ABCC11: variants seen among roughly 807,000 people sequenced by gnomAD.
ABCC11 encodes ATP binding cassette subfamily C member 11.
ABCC11 carries 135 observed loss-of-function variants against 149.3 expected under a neutral mutation model. The ratio of observed to expected loss-of-function variants is 0.90; its 90% CI spans 0.79 to 1.04. The LOEUF (loss-of-function observed/expected upper bound fraction) is 1.04, where lower values mean the gene tolerates loss of function less well. ABCC11 is among the 50% of genes least tolerant of loss of function. The pLI, the probability that ABCC11 is intolerant of heterozygous loss-of-function variation, is 0.00. For synonymous variants in ABCC11, 665 were observed against 671.4 expected (o/e 0.99, Z 0.15); for missense variants, 1,680 against 1,722.1 (o/e 0.98, Z 0.43).
At chr16:48,213,839 A>G (rs1400794852) in intron 9 of ABCC11, among the ~76,000 whole-genome samples, 1 of 152,230 alleles carries the variant, frequency 6.6e-6, no homozygotes, top group East Asian at 1.9e-4. Context: ...ATAGTGAGAA[A>G]AATCATAAAG....
chr16:48,215,054 C>G (rs1186387461), intron 8 of ABCC11, 25 bp from the exon 9 acceptor site: 1 of 1,611,052 alleles, frequency 6.2e-7, no homozygotes, highest in Admixed American at 1.7e-5. Flanking sequence ...AGAAATACAC[C>G]AAAGATAACC....
intron 15 of ABCC11, 42 bp from the exon 16 acceptor site, chr16:48,198,317 A>G (rs1200548867): frequency 1.3e-6 from 2 of 1,584,726 alleles, no homozygotes; most frequent in African/African-American, 2.7e-5. Context: ...AAGCACATGG[A>G]AAGATGTTTG....
At position 48,170,124 on chromosome 16, in the gene ABCC11, G is replaced by A; in HGVS notation, c.3872C>T (p.Ala1291Val). The change falls in exon 28 of 30, where the codon GCT (alanine) becomes GTT (valine). Residue 1291 changes from alanine (A) to valine (V), a missense_variant. Ala to Val is a moderately conservative substitution (Grantham distance 64). Coordinates refer to ENST00000356608, the MANE Select transcript of ABCC11 (RefSeq NM_001370497.1). The stretch of plus-strand genomic sequence containing the variant: ...CCTCACCTTGGAGTTGCGAAGCACA[G>A]CCCTGGCAATGCAGAGCAGCTGCCT... ...GERQLLCIAR[A>V]VLRNSKIILI... is the part of the protein sequence containing the mutation. 1 of 1,614,060 alleles carries A rather than the reference G, an allele frequency of 6.2e-7. No individual in the cohort carries two copies. The highest frequency in any genetic ancestry group is 8.5e-7 in the Non-Finnish European group (1 of 1,179,940).
intron 1 of ABCC11, among the ~76,000 whole-genome samples, chr16:48,238,934 T>TAAA (rs3048246): frequency 0.029 from 1,184 of 40,528 alleles, 51 homozygotes; most frequent in African/African-American, 0.073. Context: ...AGACTCTGTC[T>TAAA]AAAAAAAAAA....
chr16:48,236,603 A>G (rs546919997), intron 1 of ABCC11, among the ~76,000 whole-genome samples: 3 of 152,232 alleles, frequency 2.0e-5, no homozygotes, highest in Non-Finnish European at 4.4e-5. Flanking sequence ...TCAATGGATC[A>G]ATGAATGAAG....
chr16:48,216,198 G>A lies in ABCC11; in HGVS notation c.867C>T (p.Val289=), dbSNP rs971580976. The change falls in exon 7 of 30, where the codon GTC becomes GTT. Residue 289 remains valine (V), a synonymous_variant. Coordinates refer to ENST00000356608, the MANE Select transcript of ABCC11 (RefSeq NM_001370497.1). The part of the protein sequence containing the change: ...PLVLITCASL[V]ICSISSYFII... ...TGAAGTAGGAAGAAATGCTGCAGATGACCAGCGATGCGCAGGTGATCAGTA... is the reference window on the plus strand; with the variant it reads ...TGAAGTAGGAAGAAATGCTGCAGATAACCAGCGATGCGCAGGTGATCAGTA... The A allele has an allele frequency of 1.4e-5, 23 of 1,613,826 alleles. No individual in the cohort carries two copies. Among genetic ancestry groups the A allele is most frequent in the African/African-American group, 2.7e-5 (2 of 74,920 alleles).
At chr16:48,203,343 C>T (rs1968163895) in intron 13 of ABCC11, 43 bp from the exon 14 acceptor site, 2 of 1,501,128 alleles carry the variant, frequency 1.3e-6, no homozygotes, top group Admixed American at 2.0e-5. Flanking sequence ...GACCAGCCCT[C>T]CCGCCCATCA....
rs367806911 is a variant in ABCC11 at position 48,215,067 on chromosome 16, A to G, written c.1100-38T>C. 39 of 1,609,374 alleles carry G rather than the reference A, an allele frequency of 2.4e-5. No homozygotes were observed. In the African/African-American group the frequency reaches 4.4e-4, roughly 18 times the overall value. On this transcript the variant is annotated intron_variant, in intron 8 of 29. Transcript: ENST00000356608. ...AAAGAAATACACCAAAGATAACCAC[A>G]AGAACATTCTCCAAAGAGCACAGCA...
rs143575760 is a variant in ABCC11 at position 48,206,392 on chromosome 16, A to G, written c.1681-855T>C. 1.2e-3 allele frequency among the ~76,000 whole-genome samples: 182 copies of G among 152,282 alleles called. No individual in the cohort carries two copies. The Middle Eastern group carries it at 0.017, about 14-fold the overall frequency. ...AAAAACTATCAACTGCTGCATCTAGATGGTGGGTATATGGATCCCTGCTGT... is the reference window on the plus strand; with the variant it reads ...AAAAACTATCAACTGCTGCATCTAGGTGGTGGGTATATGGATCCCTGCTGT... On this transcript the variant is annotated intron_variant, in intron 12 of 29. Coordinates refer to ENST00000356608, the MANE Select transcript of ABCC11 (RefSeq NM_001370497.1).
chr16:48,240,733 A>G (rs950030523), intron 1 of ABCC11, among the ~76,000 whole-genome samples: 11 of 151,818 alleles, frequency 7.2e-5, no homozygotes, highest in Non-Finnish European at 1.5e-4. Flanking sequence ...CTTTTGCACC[A>G]ACCTAATAAA....
chr16:48,236,668 C>A (rs1222783002), intron 1 of ABCC11, among the ~76,000 whole-genome samples: 1 of 152,162 alleles, frequency 6.6e-6, no homozygotes, highest in Non-Finnish European at 1.5e-5. Flanking sequence ...TCACGAAAGA[C>A]TTCACATTTA....
At chr16:48,178,861 T>A (rs1340361639) in intron 23 of ABCC11, among the ~76,000 whole-genome samples, 175 bp from the exon 24 acceptor site, 1 of 152,018 alleles carries the variant, frequency 6.6e-6, no homozygotes, top group Non-Finnish European at 1.5e-5. Flanking sequence ...CACTTCTGAG[T>A]TTAGCTGCAG....
At position 48,166,778 on chromosome 16, in the gene ABCC11, T is replaced by A. The variant is rs1242523814; in HGVS notation, c.*496A>T. 1 of 152,994 alleles carries A rather than the reference T, an allele frequency of 6.5e-6. No individual in the cohort carries two copies. The highest frequency in any genetic ancestry group is 2.0e-4 in the South Asian group (1 of 4,920). 9.5% of individuals were successfully genotyped at this position (152,994 alleles called of 1,614,324 possible). Reference sequence around the variant, plus strand: ...TATTCAGGAGGCTGAGGCAGGAGAATTGCTTGAACCTGGGAGGCAGAGGCT... The same window carrying A: ...TATTCAGGAGGCTGAGGCAGGAGAAATGCTTGAACCTGGGAGGCAGAGGCT... On this transcript the variant is annotated 3_prime_UTR_variant, in exon 30 of 30. Transcript: ENST00000356608.
intron 7 of ABCC11, among the ~76,000 whole-genome samples, 196 bp from the exon 8 acceptor site, chr16:48,215,540 G>C (rs1189892907): frequency 6.6e-6 from 1 of 152,152 alleles, no homozygotes; most frequent in East Asian, 1.9e-4. Flanking sequence ...CCAGGCTATG[G>C]CTACTTAGAC....
intron 3 of ABCC11, among the ~76,000 whole-genome samples, chr16:48,230,121 T>G (rs1182309900): frequency 6.6e-6 from 1 of 152,202 alleles, no homozygotes; most frequent in Non-Finnish European, 1.5e-5. Context: ...CATGCACAAG[T>G]TTATTTGCTT....
At chr16:48,175,181 C>T (rs1596661546) in intron 26 of ABCC11, 77 bp downstream of exon 26, 6 of 1,530,080 alleles carry the variant, frequency 3.9e-6, no homozygotes, top group South Asian at 1.3e-5. Context: ...GTCACCAGCT[C>T]ACTATAGGCA....
chr16:48,189,512 C>A (rs1966853336), intron 20 of ABCC11, among the ~76,000 whole-genome samples: 2 of 151,954 alleles, frequency 1.3e-5, no homozygotes, highest in East Asian at 3.9e-4. Flanking sequence ...ACTACAAAGA[C>A]AAATTTAAAG....
rs145048685 is a variant in ABCC11, at chr16:48,227,904, C to T, written c.297G>A (p.Trp99Ter). Residue 99 changes from tryptophan (W) to a stop codon, truncating the protein, a stop_gained, in exon 4 of 30, where the codon TGG (tryptophan) becomes TGA (stop). Coordinates refer to ENST00000356608, the MANE Select transcript of ABCC11 (RefSeq NM_001370497.1). LOFTEE classifies it high-confidence loss of function. ...AGLFSYLTVS[W>*]LTPLMIQSLR... Reference sequence around the variant, plus strand: ...AGCTTTGGATCATGAGCGGGGTGAGCCATGACACGGTGAGGTAGGAGAACA... The same window carrying T: ...AGCTTTGGATCATGAGCGGGGTGAGTCATGACACGGTGAGGTAGGAGAACA... The T allele has an allele frequency of 1.6e-3, 2,606 of 1,613,918 alleles. 3 individuals are homozygous for T. The highest frequency in any genetic ancestry group is 2.1e-3 in the Non-Finnish European group (2,493 of 1,179,970).
chr16:48,169,765 G>A (rs1169669989), intron 28 of ABCC11, among the ~76,000 whole-genome samples: 2 of 115,700 alleles, frequency 1.7e-5, no homozygotes, highest in African/African-American at 3.4e-5. Context: ...GGGGCCTGTC[G>A]TGGGGTGGGG....
Sources: allele counts gnomAD v4.1 joint callset (sites outside exome capture counted in the v4.1 genomes callset), GRCh38; gene constraint gnomAD v4.1.1; transcripts MANE v1.5; gene names NCBI Gene and HGNC (gene_info 2026-07-23, HGNC 2026-07-21).